AGAP1: variants seen among roughly 807,000 people sequenced by gnomAD.
AGAP1 encodes ArfGAP with GTPase domain, ankyrin repeat and PH domain 1, also known as arf-GAP with GTPase, ANK repeat and PH domain-containing protein 1.
AGAP1 carries 29 observed loss-of-function variants against 105.3 expected under a neutral mutation model. The observed-to-expected ratio is 0.28, with a 90% CI of 0.21 to 0.38. The LOEUF is 0.38. Ranked by LOEUF, AGAP1 falls within the 10% of genes least tolerant of loss-of-function variation. The pLI is 1.00. For missense variants in AGAP1, 998 were observed against 1,165.1 expected (o/e 0.86, Z 2.09); for synonymous variants, 509 against 485.9 (o/e 1.05, Z -0.63).
intron 9 of AGAP1, among the ~76,000 whole-genome samples, chr2:235,856,053 G>A (rs1198610189): frequency 1.3e-5 from 2 of 152,038 alleles, no homozygotes. Context: ...AGCTGGAACT[G>A]CAAGCATCTA....
intron 1 of AGAP1, among the ~76,000 whole-genome samples, chr2:235,567,884 A>G (rs2149154330): frequency 6.6e-6 from 1 of 152,260 alleles, no homozygotes; most frequent in Non-Finnish European, 1.5e-5. Flanking sequence ...GCCTCTCAAT[A>G]TGCGGAGGGG....
intron 9 of AGAP1, among the ~76,000 whole-genome samples, chr2:235,828,749 C>T (rs1447294564): frequency 1.3e-5 from 2 of 152,196 alleles, no homozygotes; most frequent in South Asian, 2.1e-4. Flanking sequence ...GTTGGGTCCA[C>T]ATGTTGCTCG....
chr2:235,562,278 T>G (rs1944178263), intron 1 of AGAP1, among the ~76,000 whole-genome samples: 1 of 152,150 alleles, frequency 6.6e-6, no homozygotes, highest in Non-Finnish European at 1.5e-5. Flanking sequence ...ATGACTGCAA[T>G]CAAGTGATTA....
chr2:235,939,039 G>A (rs1192175991), intron 12 of AGAP1, among the ~76,000 whole-genome samples: 3 of 152,200 alleles, frequency 2.0e-5, no homozygotes, highest in Non-Finnish European at 2.9e-5. Flanking sequence ...CCTGAATGAT[G>A]TGTGTGAATG....
chr2:235,955,307 C>T (rs567396558), intron 12 of AGAP1, among the ~76,000 whole-genome samples: 88 of 152,156 alleles, frequency 5.8e-4, no homozygotes, highest in African/African-American at 2.0e-3. Flanking sequence ...TCCATCAGCA[C>T]GTGGGCAGGG....
chr2:236,049,382 C>T (rs999673082), intron 16 of AGAP1, 101 bp downstream of exon 16: 1 of 1,094,190 alleles, frequency 9.1e-7, no homozygotes, highest in African/African-American at 1.6e-5. Flanking sequence ...GCCCTGATAA[C>T]CTGTAGGAAT....
rs1294952742 is a variant in AGAP1 at position 235,993,374 on chromosome 2, G to C, written c.1645+24751G>C. On this transcript the variant is annotated intron_variant, in intron 13 of 17. Transcript: ENST00000304032. This position sits in a 1 kb window ranked among gnomAD's most constrained non-coding sequence, Gnocchi z 5.0. ...CTAGGCTGGAAGCCCAAGAAGGCAG[G>C]AGACTCGTCTCAGATATTTCCTGGT... 1.3e-5 allele frequency among the ~76,000 whole-genome samples: 2 copies of C among 152,238 alleles called. No homozygotes were observed. Among genetic ancestry groups the C allele is most frequent in the African/African-American group, 2.4e-5 (1 of 41,462 alleles).
chr2:236,065,948 G>A (rs2058333771), intron 16 of AGAP1, among the ~76,000 whole-genome samples: 1 of 152,228 alleles, frequency 6.6e-6, no homozygotes, highest in Admixed American at 6.5e-5. Flanking sequence ...CTAGGGAGTA[G>A]CTGTCTGATG....
chr2:235,862,598 T>C (rs1285780036), intron 9 of AGAP1, among the ~76,000 whole-genome samples: 1 of 152,254 alleles, frequency 6.6e-6, no homozygotes, highest in Non-Finnish European at 1.5e-5. Context: ...AGGTACCTTT[T>C]AGCCATTCTT....
In AGAP1 at chr2:235,964,962, AG is replaced by A. The variant is rs1575908642; in HGVS notation, c.1484-3497del. 6.6e-6 allele frequency among the ~76,000 whole-genome samples: 1 copy of A among 152,180 alleles called. No individual in the cohort carries two copies. Among genetic ancestry groups the A allele is most frequent in the East Asian group, 1.9e-4 (1 of 5,186 alleles). ...TCGAGGTCCCAGGCTGCTCAAGGCA[AG>A]GGAAGTGTCTTATTTAAACCTGCCC... On this transcript the variant is annotated intron_variant, in intron 12 of 17. Coordinates refer to ENST00000304032, the MANE Select transcript of AGAP1 (RefSeq NM_001037131.3). The surrounding 1 kb of genome is among the most constrained non-coding windows in gnomAD (Gnocchi z 4.6).
intron 1 of AGAP1, among the ~76,000 whole-genome samples, chr2:235,706,104 T>G (rs1441539007): frequency 6.6e-6 from 1 of 152,238 alleles, no homozygotes; most frequent in Non-Finnish European, 1.5e-5. Flanking sequence ...CTCATCACCC[T>G]TGACTTCAGC....
chr2:235,538,158 GTTA>G (rs1943303021), intron 1 of AGAP1, among the ~76,000 whole-genome samples: 1 of 152,144 alleles, frequency 6.6e-6, no homozygotes, highest in Non-Finnish European at 1.5e-5. Context: ...AGAAAATAGG[GTTA>G]TAGGCTTATT....
rs913524352 is a variant in AGAP1, at chr2:235,735,080, G to A, written c.311-5883G>A. On this transcript the variant is annotated intron_variant, in intron 3 of 17. Coordinates refer to ENST00000304032, the MANE Select transcript of AGAP1 (RefSeq NM_001037131.3). ...TCCTTTTCCTCCTGAGTGGATTTGGGTGTTGCCAATGATGTTTGCGTCATA... is the reference window on the plus strand; with the variant it reads ...TCCTTTTCCTCCTGAGTGGATTTGGATGTTGCCAATGATGTTTGCGTCATA... Among the ~76,000 whole-genome samples the A allele has an allele frequency of 3.2e-5, 4 of 125,736 alleles. No individual in the cohort carries two copies. In the South Asian group the frequency reaches 7.9e-4, roughly 25 times the overall value. 82.5% of individuals were successfully genotyped at this position (125,736 alleles called of 152,430 possible).
At chr2:235,539,965 G>A (rs545416684) in intron 1 of AGAP1, among the ~76,000 whole-genome samples, 2 of 152,228 alleles carry the variant, frequency 1.3e-5, no homozygotes, top group Admixed American at 6.5e-5. Context: ...CCTGGTCTCC[G>A]TTCAGGCCCA....
intron 1 of AGAP1, among the ~76,000 whole-genome samples, chr2:235,626,995 G>A (rs1946659266): frequency 6.6e-6 from 1 of 151,632 alleles, no homozygotes; most frequent in Non-Finnish European, 1.5e-5. Flanking sequence ...AGATATGTTG[G>A]GTTTATTTTC....
intron 16 of AGAP1, among the ~76,000 whole-genome samples, chr2:236,112,948 C>T (rs1303072556): frequency 6.6e-6 from 1 of 152,252 alleles, no homozygotes; most frequent in Admixed American, 6.5e-5. Context: ...TTCCTTCCTT[C>T]TTGCTGTGTT....
At position 235,620,981 on chromosome 2, in the gene AGAP1, C is replaced by G. The variant is rs1291099669; in HGVS notation, c.164-88198C>G. ...AGGGGGCTGCATCTGCGTGTTGGCTCTGCTGCTGAAGTGGCTGGATGGCCT... is the reference window on the plus strand; with the variant it reads ...AGGGGGCTGCATCTGCGTGTTGGCTGTGCTGCTGAAGTGGCTGGATGGCCT... On this transcript the variant is annotated intron_variant, in intron 1 of 17. Coordinates refer to ENST00000304032, the MANE Select transcript of AGAP1 (RefSeq NM_001037131.3). This position sits in a 1 kb window ranked among gnomAD's most constrained non-coding sequence, Gnocchi z 4.5. Among the ~76,000 whole-genome samples the G allele has an allele frequency of 6.6e-6, 1 of 152,184 alleles. No individual in the cohort carries two copies. Among genetic ancestry groups the G allele is most frequent in the East Asian group, 1.9e-4 (1 of 5,194 alleles).
intron 9 of AGAP1, among the ~76,000 whole-genome samples, chr2:235,837,135 A>G (rs1559545808): frequency 6.6e-6 from 1 of 152,110 alleles, no homozygotes; most frequent in African/African-American, 2.4e-5. Flanking sequence ...ACAGGCATGC[A>G]ACACCACGCC....
chr2:235,609,353 G>T lies in AGAP1; in HGVS notation c.164-99826G>T, dbSNP rs547806405. ...TGTTAAAATGGCCAGAGGACATGGG[G>T]ACATGGGGCAGGGAGAGCTTCAGAA... On this transcript the variant is annotated intron_variant, in intron 1 of 17. Transcript: ENST00000304032. The surrounding 1 kb of genome is among the most constrained non-coding windows in gnomAD (Gnocchi z 5.1). Among the ~76,000 whole-genome samples the T allele has an allele frequency of 6.6e-6, 1 of 152,154 alleles. No homozygotes were observed. Among genetic ancestry groups the T allele is most frequent in the Non-Finnish European group, 1.5e-5 (1 of 68,046 alleles).
Sources: gnomAD v4.1 joint callset for allele counts (sites outside exome capture counted in the v4.1 genomes callset) on GRCh38, gnomAD v4.1.1 for gene constraint, Gnocchi (gnomAD v3.1) non-coding constraint, MANE v1.5 for transcripts, NCBI Gene and HGNC (gene_info 2026-07-23, HGNC 2026-07-21) for gene names.